The following CREB5 variants were observed in gnomAD, a reference collection of about 807,000 sequenced individuals.
CREB5 encodes cAMP responsive element binding protein 5, also known as cyclic AMP-responsive element-binding protein 5.
Under a neutral mutation model 57.1 loss-of-function variants are expected in CREB5, and 19 were observed. The observed-to-expected ratio is 0.33, with a 90% CI of 0.23 to 0.49. The LOEUF is 0.49. CREB5 is among the 20% of genes least tolerant of loss of function. The pLI is 0.99. For missense variants in CREB5, 579 were observed against 671.6 expected, an observed-to-expected ratio of 0.86 and a Z score of 1.52; for synonymous variants, 238 against 238.3, an observed-to-expected ratio of 1.00 and a Z score of 0.01.
chr7:28,644,117 CAGAG>C (rs1798797423), intron 5 of CREB5, among the ~76,000 whole-genome samples: 1 of 143,766 alleles, frequency 7.0e-6, no homozygotes, highest in African/African-American at 2.6e-5. Flanking sequence ...GGGAGAAAGA[CAGAG>C]AGGGAGAGAA....
At chr7:28,369,513 A>G (rs561266064) in intron 1 of CREB5, among the ~76,000 whole-genome samples, 17 of 152,360 alleles carry the variant, frequency 1.1e-4, no homozygotes, top group African/African-American at 3.8e-4. Flanking sequence ...CATATGTAAA[A>G]TGGAGATAAC....
chr7:28,330,688 G>A (rs1406057759), intron 1 of CREB5, among the ~76,000 whole-genome samples: 1 of 151,592 alleles, frequency 6.6e-6, no homozygotes, highest in Non-Finnish European at 1.5e-5. Flanking sequence ...GTTGAAAGCA[G>A]CAGCACAAAT....
At chr7:28,530,829 T>G (rs1793695578) in intron 4 of CREB5, among the ~76,000 whole-genome samples, 1 of 152,230 alleles carries the variant, frequency 6.6e-6, no homozygotes, top group Non-Finnish European at 1.5e-5. Flanking sequence ...CCTTTTATCC[T>G]GGCTGATGAT....
intron 4 of CREB5, among the ~76,000 whole-genome samples, chr7:28,544,274 G>T (rs1260410365): frequency 6.6e-6 from 1 of 152,086 alleles, no homozygotes; most frequent in East Asian, 1.9e-4. Flanking sequence ...TGTAAATCCT[G>T]GTTGATCCAG....
At chr7:28,449,998 A>G (rs1378243994) in intron 1 of CREB5, among the ~76,000 whole-genome samples, 1 of 152,192 alleles carries the variant, frequency 6.6e-6, no homozygotes, top group Non-Finnish European at 1.5e-5. Context: ...AGCTCAGTCA[A>G]TGGTGAGATC....
At chr7:28,636,451 T>C (rs532702623) in intron 5 of CREB5, among the ~76,000 whole-genome samples, 129 of 152,282 alleles carry the variant, frequency 8.5e-4, no homozygotes, top group Middle Eastern at 3.4e-3. Flanking sequence ...ATCCCCTGCC[T>C]CCCTCCTTGA....
intron 5 of CREB5, among the ~76,000 whole-genome samples, chr7:28,651,909 C>G (rs1368779457): frequency 6.6e-6 from 1 of 152,160 alleles, no homozygotes; most frequent in Non-Finnish European, 1.5e-5. Flanking sequence ...ATCATGAGAG[C>G]TGAATTCCAG....
chr7:28,473,063 C>T (rs1462762232), intron 1 of CREB5, among the ~76,000 whole-genome samples: 1 of 152,136 alleles, frequency 6.6e-6, no homozygotes, highest in African/African-American at 2.4e-5. Context: ...GCATTACCTC[C>T]TCCTTCAGAA....
Position 28,819,098 on chromosome 7 carries a change from C to CT in CREB5, c.1364-9dup, listed in dbSNP as rs746247562. On this transcript the variant is annotated splice_polypyrimidine_tract_variant and intron_variant, in intron 10 of 10. Transcript: ENST00000357727. ...GTGTGTGTGTATGTGTGTGTGTTGT[C>CT]TTTTTTTTTCTCCCTAGGTCCAGAG... 1.2e-4 allele frequency: 193 copies of CT among 1,589,692 alleles called. No homozygotes were observed. The highest frequency in any genetic ancestry group is 5.5e-4 in the Admixed American group (32 of 58,406).
chr7:28,580,610 A>G, intron 5 of CREB5, among the ~76,000 whole-genome samples: 1 of 151,276 alleles, frequency 6.6e-6, no homozygotes, highest in Admixed American at 6.6e-5. Context: ...AGATAGACAG[A>G]TTTTTATAAA....
chr7:28,543,410 T>C (rs1024371769), intron 4 of CREB5, among the ~76,000 whole-genome samples: 6 of 152,192 alleles, frequency 3.9e-5, no homozygotes, highest in Non-Finnish European at 8.8e-5. Context: ...GTCTATCCAC[T>C]TCTCCTTTTT....
chr7:28,622,199 C>T (rs1797822819), intron 5 of CREB5, among the ~76,000 whole-genome samples: 1 of 151,900 alleles, frequency 6.6e-6, no homozygotes, highest in Non-Finnish European at 1.5e-5. Context: ...GAGGGTGGCA[C>T]ATTTCTCTTT....
At chr7:28,687,375 A>G (rs1800995839) in intron 5 of CREB5, among the ~76,000 whole-genome samples, 1 of 144,404 alleles carries the variant, frequency 6.9e-6, no homozygotes. Context: ...AACAGGAAAT[A>G]CAGGGAGAGG....
At chr7:28,731,028 C>T (rs1469955436) in intron 7 of CREB5, among the ~76,000 whole-genome samples, 1 of 152,210 alleles carries the variant, frequency 6.6e-6, no homozygotes, top group Non-Finnish European at 1.5e-5. Flanking sequence ...ACCTCATCAA[C>T]TAAATATTGG....
chr7:28,542,707 A>G (rs1041960994), intron 4 of CREB5, among the ~76,000 whole-genome samples: 1 of 152,160 alleles, frequency 6.6e-6, no homozygotes, highest in Non-Finnish European at 1.5e-5. Context: ...CCAGCTGTAC[A>G]TAATAGTGTT....
chr7:28,482,339 T>C (rs1016421654), intron 1 of CREB5, among the ~76,000 whole-genome samples: 2 of 152,212 alleles, frequency 1.3e-5, no homozygotes, highest in African/African-American at 4.8e-5. Flanking sequence ...GTTGGGTTAT[T>C]ATTGTGTGTG....
chr7:28,822,691 C>G lies in CREB5; in HGVS notation c.*3412C>G, dbSNP rs1809848067. 6.6e-6 allele frequency: 1 copy of G among 152,650 alleles called. No individual in the cohort carries two copies. Among genetic ancestry groups the G allele is most frequent in the Non-Finnish European group, 1.5e-5 (1 of 68,048 alleles). The allele number at this position is 152,650 out of a possible 1,614,324, so 9.5% of individuals were successfully genotyped here. A position where few individuals can be genotyped will look rare whatever the true frequency, so the allele number is the denominator to read the frequency against. On this transcript the variant is annotated 3_prime_UTR_variant, in exon 11 of 11. Coordinates refer to ENST00000357727, the MANE Select transcript of CREB5 (RefSeq NM_182898.4). ...TAAGTACACCTGAGAGCATTTCTAT[C>G]AGGTAAACTGTCACTTAAATGGAGG...
upstream of CREB5, chr7:28,410,240 G>T (rs756689162): frequency 1.3e-5 from 6 of 454,734 alleles, no homozygotes; most frequent in South Asian, 9.3e-5. Context: ...GCGAGGCTCC[G>T]TCCGCTCCAG....
At chr7:28,560,827 C>CGTGCGTGCGT (rs1562797026) in intron 4 of CREB5, among the ~76,000 whole-genome samples, 26 of 89,096 alleles carry the variant, frequency 2.9e-4, no homozygotes, top group Non-Finnish European at 4.2e-4. Context: ...TGTGTGCGCG[C>CGTGCGTGCGT]GCGCGCGTGT....
Sources: gnomAD v4.1 joint callset for allele counts (sites outside exome capture counted in the v4.1 genomes callset) on GRCh38, gnomAD v4.1.1 for gene constraint, MANE v1.5 for transcripts, NCBI Gene and HGNC (gene_info 2026-07-23, HGNC 2026-07-21) for gene names.